TMEM45A: variants seen among roughly 807,000 people sequenced by gnomAD.
The protein encoded by TMEM45A is transmembrane protein 45A.
Under a neutral mutation model 32.0 loss-of-function variants are expected in TMEM45A, and 25 were observed. The ratio of observed to expected loss-of-function variants is 0.78; its 90% CI spans 0.57 to 1.09. The LOEUF (loss-of-function observed/expected upper bound fraction) is 1.09. TMEM45A is among the 50% of genes least tolerant of loss of function. TMEM45A has a pLI of 0.00. For missense variants in TMEM45A, 302 were observed against 325.0 expected, an observed-to-expected ratio of 0.93 and a Z score of 0.54; for synonymous variants, 122 against 114.8, an observed-to-expected ratio of 1.06 and a Z score of -0.40.
At chr3:100,547,329 T>A (rs1468588908) in intron 1 of TMEM45A, among the ~76,000 whole-genome samples, 1 of 151,716 alleles carries the variant, frequency 6.6e-6, no homozygotes, top group Admixed American at 6.6e-5. Context: ...AACATGTTGG[T>A]CAGGCTGGTC....
chr3:100,550,387 T>G (rs1204025475), intron 1 of TMEM45A, among the ~76,000 whole-genome samples: 1 of 152,020 alleles, frequency 6.6e-6, no homozygotes, highest in African/African-American at 2.4e-5. Context: ...ATCCACATAG[T>G]ATGTGGATAC....
chr3:100,504,552 A>C (rs1407621689), intron 1 of TMEM45A, among the ~76,000 whole-genome samples: 1 of 152,180 alleles, frequency 6.6e-6, no homozygotes, highest in Non-Finnish European at 1.5e-5. Flanking sequence ...TTTAAAATAA[A>C]ATCCAGATAT....
intron 1 of TMEM45A, among the ~76,000 whole-genome samples, chr3:100,512,261 T>C (rs1271115619): frequency 2.6e-5 from 4 of 152,066 alleles, no homozygotes; most frequent in African/African-American, 9.7e-5. Context: ...GAACAGAAAT[T>C]ATAACAAACT....
chr3:100,539,932 G>A (rs1202314853), intron 1 of TMEM45A, among the ~76,000 whole-genome samples: 1 of 152,002 alleles, frequency 6.6e-6, no homozygotes, highest in African/African-American at 2.4e-5. Context: ...TCCAGACATA[G>A]ACCTTACCTT....
intron 1 of TMEM45A, among the ~76,000 whole-genome samples, chr3:100,541,514 C>A (rs904706969): frequency 6.8e-5 from 9 of 133,102 alleles, no homozygotes; most frequent in Non-Finnish European, 9.6e-5. Flanking sequence ...TTTTTCTTTT[C>A]TTTTCTTTCC....
chr3:100,551,794 A>T (rs1326981997), intron 1 of TMEM45A, among the ~76,000 whole-genome samples: 1 of 152,248 alleles, frequency 6.6e-6, no homozygotes, highest in Non-Finnish European at 1.5e-5. Flanking sequence ...GATTGGAACC[A>T]TCAGATTGTT....
intron 4 of TMEM45A, among the ~76,000 whole-genome samples, chr3:100,559,621 A>T (rs959740944): frequency 6.6e-6 from 1 of 152,042 alleles, no homozygotes; most frequent in African/African-American, 2.4e-5. Context: ...AAAATATTAT[A>T]TAAAATCTAT....
chr3:100,575,919 T>C (rs1044110218), intron 5 of TMEM45A, among the ~76,000 whole-genome samples: 4 of 152,220 alleles, frequency 2.6e-5, no homozygotes, highest in African/African-American at 7.2e-5. Flanking sequence ...AGCACCTGTT[T>C]GCAATACACA....
At chr3:100,558,674 A>G in intron 4 of TMEM45A, 85 bp downstream of exon 4, 1 of 1,366,042 alleles carries the variant, frequency 7.3e-7, no homozygotes. Flanking sequence ...GCTCCCGGAG[A>G]CTTCCCTCCA....
intron 1 of TMEM45A, among the ~76,000 whole-genome samples, chr3:100,522,227 G>A (rs1252233911): frequency 6.6e-6 from 1 of 152,188 alleles, no homozygotes; most frequent in Non-Finnish European, 1.5e-5. Context: ...GAGGTGTGGA[G>A]GTGCCAGGCA....
chr3:100,568,978 G>A lies in TMEM45A; in HGVS notation c.734+11G>A, dbSNP rs1559654717. The A allele has an allele frequency of 5.6e-6, 9 of 1,606,118 alleles. No homozygotes were observed. In the Admixed American group the frequency reaches 1.0e-4, roughly 18 times the overall value. ...TGCTTTCATTACCTGGTAAGTTAGC[G>A]ATTTCTGTTAATGGAAGTTCTGTTC... On this transcript the variant is annotated intron_variant, in intron 5 of 5. Transcript: ENST00000323523.
At chr3:100,536,268 A>G (rs1460072715) in intron 1 of TMEM45A, among the ~76,000 whole-genome samples, 1 of 152,180 alleles carries the variant, frequency 6.6e-6, no homozygotes. Context: ...TAATGTGCAT[A>G]TGAGTCACTT....
intron 1 of TMEM45A, among the ~76,000 whole-genome samples, chr3:100,537,885 G>T (rs1187117454): frequency 6.6e-6 from 1 of 152,210 alleles, no homozygotes; most frequent in Non-Finnish European, 1.5e-5. Flanking sequence ...GGCCCACTGG[G>T]TGCCTGTGAC....
At chr3:100,511,124 G>A (rs1370804687) in intron 1 of TMEM45A, among the ~76,000 whole-genome samples, 2 of 151,868 alleles carry the variant, frequency 1.3e-5, no homozygotes, top group Non-Finnish European at 1.5e-5. Flanking sequence ...TACAGAGAAT[G>A]CCACAAAGAT....
At chr3:100,551,993 C>A (rs1400372710) in intron 1 of TMEM45A, among the ~76,000 whole-genome samples, 1 of 152,130 alleles carries the variant, frequency 6.6e-6, no homozygotes, top group East Asian at 1.9e-4. Flanking sequence ...GCAGCAGGAG[C>A]CTCTTAGCTT....
intron 1 of TMEM45A, among the ~76,000 whole-genome samples, chr3:100,510,968 C>T (rs1443808858): frequency 1.3e-5 from 2 of 152,062 alleles, no homozygotes; most frequent in Non-Finnish European, 2.9e-5. Flanking sequence ...AAATATGGGA[C>T]TATGTGAAAA....
At chr3:100,499,078 C>T (rs1316619765) in intron 1 of TMEM45A, among the ~76,000 whole-genome samples, 2 of 152,090 alleles carry the variant, frequency 1.3e-5, no homozygotes, top group African/African-American at 2.4e-5. Context: ...AAGTTCTTTA[C>T]ATATTCTGGA....
intron 1 of TMEM45A, among the ~76,000 whole-genome samples, chr3:100,510,158 T>C (rs1275759436): frequency 6.6e-6 from 1 of 152,244 alleles, no homozygotes; most frequent in Non-Finnish European, 1.5e-5. Flanking sequence ...GCTCCACCTC[T>C]GGGGGCAGGG....
At chr3:100,515,507 T>C (rs189604989) in intron 1 of TMEM45A, among the ~76,000 whole-genome samples, 1,554 of 144,630 alleles carry the variant, frequency 0.011, 20 homozygotes, top group African/African-American at 0.037. Context: ...AGGGATAGCA[T>C]TGGGAGATAT....
Sources: gnomAD v4.1 joint callset for allele counts (sites outside exome capture counted in the v4.1 genomes callset) on GRCh38, gnomAD v4.1.1 for gene constraint, MANE v1.5 for transcripts, NCBI Gene and HGNC (gene_info 2026-07-23, HGNC 2026-07-21) for gene names.